The following DSTN variants were observed in gnomAD, a reference collection of about 807,000 sequenced individuals.
The protein encoded by DSTN is destrin, actin depolymerizing factor.
In DSTN, 10 loss-of-function variants were observed where a neutral mutation model predicts 16.8. That is an observed-to-expected ratio of 0.60 (90% CI 0.37 to 1.01). The LOEUF (loss-of-function observed/expected upper bound fraction) is 1.01. DSTN is among the 50% of genes least tolerant of loss of function. DSTN has a pLI of 0.01. For synonymous variants in DSTN, 57 were observed against 58.9 expected (o/e 0.97, Z 0.14); for missense variants, 141 against 196.7 (o/e 0.72, Z 1.69).
intron 1 of DSTN, among the ~76,000 whole-genome samples, chr20:17,593,014 C>A (rs2035486772): frequency 6.6e-6 from 1 of 152,174 alleles, no homozygotes; most frequent in Non-Finnish European, 1.5e-5. Context: ...TCCTCTTACT[C>A]TTTTTAAAAA....
chr20:17,574,865 C>CTTTTCTTTTCTTTTTTTTT (rs1354147534), intron 1 of DSTN, among the ~76,000 whole-genome samples: 3 of 64,254 alleles, frequency 4.7e-5, no homozygotes, highest in African/African-American at 1.8e-4. Context: ...CTTTTCTTTT[C>CTTTTCTTTTCTTTTTTTTT]TTTTGTTTTT....
At chr20:17,574,860 C>CTTT (rs1410531139) in intron 1 of DSTN, among the ~76,000 whole-genome samples, 6 of 67,196 alleles carry the variant, frequency 8.9e-5, no homozygotes, top group African/African-American at 3.2e-4. Context: ...TTTTTCTTTT[C>CTTT]TTTTCTTTTG....
chr20:17,598,718 A>G (rs971687212), intron 1 of DSTN, among the ~76,000 whole-genome samples: 3 of 151,674 alleles, frequency 2.0e-5, no homozygotes, highest in African/African-American at 7.3e-5. Context: ...ATATTTTTCC[A>G]TTGTTTAGTA....
At chr20:17,582,602 G>A (rs2035358830) in intron 1 of DSTN, among the ~76,000 whole-genome samples, 2 of 152,120 alleles carry the variant, frequency 1.3e-5, no homozygotes, top group Admixed American at 1.3e-4. Context: ...TCAGTTGGGG[G>A]GAGAATAGTG....
At chr20:17,581,119 G>A (rs1207300697) in intron 1 of DSTN, among the ~76,000 whole-genome samples, 3 of 152,152 alleles carry the variant, frequency 2.0e-5, no homozygotes, top group Non-Finnish European at 4.4e-5. Context: ...TAGTGTAGTG[G>A]AGCGAGATAT....
At chr20:17,596,546 T>C in intron 1 of DSTN, 1 of 873,794 alleles carries the variant, frequency 1.1e-6, no homozygotes, top group Non-Finnish European at 1.4e-6. Flanking sequence ...GGTTTGACTT[T>C]GACATGTCCT....
rs191506929 is a variant in DSTN at position 17,609,532 on chromosome 20, G to T, written c.*2386G>T. On this transcript the variant is annotated 3_prime_UTR_variant, in exon 4 of 4. Transcript: ENST00000246069. ...TGTGGCACTGTTGTGCGTGTGTGAG[G>T]TGTCTTCTGTGGGAAGGATTTCAAA... 9.2e-5 allele frequency: 14 copies of T among 152,344 alleles called. No homozygotes were observed. In the East Asian group the frequency reaches 2.7e-3, roughly 29 times the overall value. 9.4% of individuals were successfully genotyped at this position (152,344 alleles called of 1,614,324 possible).
chr20:17,581,197 C>A (rs1325080899), intron 1 of DSTN, among the ~76,000 whole-genome samples: 1 of 152,076 alleles, frequency 6.6e-6, no homozygotes, highest in Non-Finnish European at 1.5e-5. Context: ...GAAACTATTG[C>A]TGGCTGTGTG....
Position 17,604,552 on chromosome 20 carries a change from T to C in DSTN, c.312-3T>C, listed in dbSNP as rs753130135. On this transcript the variant is annotated splice_polypyrimidine_tract_variant and splice_region_variant and intron_variant, in intron 2 of 3. Transcript: ENST00000246069. ...TTTTCATTTTTGGCATCTTTCTATC[T>C]AGGGCACCAGAACTAGCACCTCTGA... 5.0e-6 allele frequency: 8 copies of C among 1,608,572 alleles called. No homozygotes were observed. In the South Asian group the frequency reaches 8.9e-5, roughly 18 times the overall value.
chr20:17,600,478 G>A (rs6136145), intron 1 of DSTN, among the ~76,000 whole-genome samples: 72,675 of 152,002 alleles, frequency 0.48, 21,607 homozygotes, highest in Non-Finnish European at 0.65. Flanking sequence ...CTTCTTTTAA[G>A]GTTCTAGGGT....
intron 3 of DSTN, 110 bp downstream of exon 3, chr20:17,604,741 G>C (rs1424174036): frequency 1.1e-6 from 1 of 938,904 alleles, no homozygotes; most frequent in Non-Finnish European, 1.6e-6. Flanking sequence ...GGGCACAAGG[G>C]AGAAGTGTTA....
intron 1 of DSTN, among the ~76,000 whole-genome samples, chr20:17,593,160 T>G (rs557464387): frequency 1.3e-5 from 2 of 152,344 alleles, no homozygotes; most frequent in African/African-American, 2.4e-5. Flanking sequence ...GAGCAGTCTT[T>G]TCATCCTTTC....
chr20:17,607,263 TTAGAG>T lies in DSTN; in HGVS notation c.*120_*124del. 4 of 818,230 alleles carry T rather than the reference TTAGAG, an allele frequency of 4.9e-6. No individual in the cohort carries two copies. The Admixed American group carries it at 1.2e-4, about 25-fold the overall frequency. The allele number at this position is 818,230 out of a possible 1,614,324, so 50.7% of individuals were successfully genotyped here. ...TGAGGGGGAGCTGTCTTGTCATCTT[TTAGAG>T]TAAACTATTCTATAAACATATGCAA... On this transcript the variant is annotated 3_prime_UTR_variant, in exon 4 of 4. Transcript: ENST00000246069.
chr20:17,570,186 TC>T lies in DSTN; in HGVS notation c.-20del. Reference sequence around the variant, plus strand: ...CTGCCCGCCGGCTCCCTCCCCCGCGTCCCTGCGACCGCCGCGGCGAAGATGG... The same window carrying T: ...CTGCCCGCCGGCTCCCTCCCCCGCGTCCTGCGACCGCCGCGGCGAAGATGG... On this transcript the variant is annotated 5_prime_UTR_variant, in exon 1 of 4. Coordinates refer to ENST00000246069, the MANE Select transcript of DSTN (RefSeq NM_006870.4). 6.6e-7 allele frequency: 1 copy of T among 1,519,030 alleles called. No individual in the cohort carries two copies. The highest frequency in any genetic ancestry group is 8.8e-7 in the Non-Finnish European group (1 of 1,137,256). The allele number at this position is 1,519,030 out of a possible 1,614,324, so 94.1% of individuals were successfully genotyped here.
intron 2 of DSTN, among the ~76,000 whole-genome samples, chr20:17,603,472 G>C (rs2035608540): frequency 6.6e-6 from 1 of 152,108 alleles, no homozygotes; most frequent in Admixed American, 6.5e-5. Context: ...TCCAAGAACT[G>C]ATTGACAATG....
intron 1 of DSTN, among the ~76,000 whole-genome samples, chr20:17,586,416 T>TA (rs1210071347): frequency 1.3e-5 from 2 of 152,196 alleles, no homozygotes; most frequent in Non-Finnish European, 2.9e-5. Context: ...GATTTTGATT[T>TA]ATAGCTGCAG....
chr20:17,606,523 ATT>A (rs1225244081), intron 3 of DSTN, among the ~76,000 whole-genome samples: 4 of 152,190 alleles, frequency 2.6e-5, no homozygotes, highest in Non-Finnish European at 4.4e-5. Context: ...AACCAAGAAA[ATT>A]TTCTTACTAG....
rs558374696 is a variant in DSTN at position 17,579,738 on chromosome 20, T to TA, written c.3+9532dup. On this transcript the variant is annotated intron_variant, in intron 1 of 3. Transcript: ENST00000246069. ...AGCCAGAATCATTTATTTAACTCAT[T>TA]AAAAAGGGATTCCTGCCTGACTAAT... Among the ~76,000 whole-genome samples, 156 of 152,350 alleles carry TA rather than the reference T, an allele frequency of 1.0e-3. 1 individual carries two copies. Among genetic ancestry groups the TA allele is most frequent in the African/African-American group, 3.5e-3 (144 of 41,586 alleles).
chr20:17,590,205 T>G (rs1325868635), intron 1 of DSTN, among the ~76,000 whole-genome samples: 1 of 152,254 alleles, frequency 6.6e-6, no homozygotes, highest in Non-Finnish European at 1.5e-5. Flanking sequence ...TAAGTTGTGT[T>G]CTGTCCTTTG....
Sources: allele counts gnomAD v4.1 joint callset (sites outside exome capture counted in the v4.1 genomes callset), GRCh38; gene constraint gnomAD v4.1.1; transcripts MANE v1.5; gene names NCBI Gene and HGNC (gene_info 2026-07-23, HGNC 2026-07-21).